The following BABAM2 variants were observed in gnomAD, a reference collection of about 807,000 sequenced individuals.
The protein encoded by BABAM2 is BRISC and BRCA1 A complex member 2.
BABAM2 carries 31 observed loss-of-function variants against 54.7 expected under a neutral mutation model. The ratio of observed to expected loss-of-function variants is 0.57; its 90% CI spans 0.43 to 0.77. The LOEUF (loss-of-function observed/expected upper bound fraction) is 0.77, where lower values mean the gene tolerates loss of function less well. Ranked by LOEUF, BABAM2 falls within the 30% of genes least tolerant of loss-of-function variation. BABAM2 has a pLI of 0.00. For missense variants in BABAM2, 364 were observed against 455.8 expected (o/e 0.80, Z 1.83); for synonymous variants, 167 against 162.9 (o/e 1.03, Z -0.19).
intron 10 of BABAM2, among the ~76,000 whole-genome samples, chr2:28,258,233 A>G (rs567446300): frequency 6.6e-6 from 1 of 152,258 alleles, no homozygotes; most frequent in South Asian, 2.1e-4. Flanking sequence ...TTCTTCTTGA[A>G]CGTAATTCAA....
intron 6 of BABAM2, among the ~76,000 whole-genome samples, chr2:28,061,221 G>A (rs1678833151): frequency 6.6e-6 from 1 of 152,010 alleles, no homozygotes; most frequent in Non-Finnish European, 1.5e-5. Flanking sequence ...GGTGCAAAAG[G>A]CAATTCAGAG....
chr2:28,046,848 C>A (rs72812593), intron 6 of BABAM2, among the ~76,000 whole-genome samples: 10,310 of 150,888 alleles, frequency 0.068, 529 homozygotes, highest in African/African-American at 0.15. Context: ...AGTGGTGTGA[C>A]CATAGCTCAC....
In BABAM2 at chr2:28,129,420, T is replaced by C. The variant is rs752134745; in HGVS notation, c.680+40T>C. Reference sequence around the variant, plus strand: ...CATGAGGTAGCCTGGTGCTACTTCTTGCTAACCAATATGTCTCATTCTTTC... The same window carrying C: ...CATGAGGTAGCCTGGTGCTACTTCTCGCTAACCAATATGTCTCATTCTTTC... On this transcript the variant is annotated intron_variant, in intron 7 of 11. Coordinates refer to ENST00000379624, the MANE Select transcript of BABAM2 (RefSeq NM_199191.3). 10 of 1,487,476 alleles carry C rather than the reference T, an allele frequency of 6.7e-6. No homozygotes were observed. The African/African-American group carries it at 1.4e-4, about 21-fold the overall frequency. The allele number at this position is 1,487,476 out of a possible 1,614,324, so 92.1% of individuals were successfully genotyped here. A position where few individuals can be genotyped will look rare whatever the true frequency, so the allele number is the denominator to read the frequency against.
intron 7 of BABAM2, among the ~76,000 whole-genome samples, chr2:28,139,455 G>A (rs969213534): frequency 1.3e-5 from 2 of 151,456 alleles, no homozygotes; most frequent in African/African-American, 4.9e-5. Flanking sequence ...TCTAGTCCCA[G>A]CTGCTTGGGA....
At chr2:28,037,291 C>T (rs184557048) in intron 5 of BABAM2, among the ~76,000 whole-genome samples, 19 of 152,090 alleles carry the variant, frequency 1.2e-4, no homozygotes, top group Non-Finnish European at 2.5e-4. Flanking sequence ...ATATATTCCC[C>T]CTTTTTATGC....
chr2:28,109,612 C>T (rs1488774952), intron 6 of BABAM2, among the ~76,000 whole-genome samples: 1 of 152,146 alleles, frequency 6.6e-6, no homozygotes, highest in East Asian at 1.9e-4. Flanking sequence ...CTCCTGATCC[C>T]TGGTTATACC....
chr2:28,031,720 G>C (rs558317554), intron 5 of BABAM2, among the ~76,000 whole-genome samples: 1 of 152,304 alleles, frequency 6.6e-6, no homozygotes, highest in South Asian at 2.1e-4. Flanking sequence ...CAGCAGAAGA[G>C]ACAATCACTG....
At chr2:28,205,388 A>G (rs1678733050) in intron 7 of BABAM2, among the ~76,000 whole-genome samples, 1 of 151,874 alleles carries the variant, frequency 6.6e-6, no homozygotes, top group Admixed American at 6.6e-5. Flanking sequence ...CTGTGGTCCT[A>G]GCTACTCGGG....
At position 28,304,619 on chromosome 2, in the gene BABAM2, C is replaced by G. The variant is rs921981073; in HGVS notation, c.1088+6128C>G. Among the ~76,000 whole-genome samples the G allele has an allele frequency of 6.6e-6, 1 of 151,982 alleles. No individual in the cohort carries two copies. The highest frequency in any genetic ancestry group is 2.4e-5 in the African/African-American group (1 of 41,354). On this transcript the variant is annotated intron_variant, in intron 11 of 11. Coordinates refer to ENST00000379624, the MANE Select transcript of BABAM2 (RefSeq NM_199191.3). The surrounding 1 kb of genome is among the most constrained non-coding windows in gnomAD (Gnocchi z 4.0). ...GGAGATGGAGTCTCACTCTGTCACC[C>G]AGGCTGGAATGCAGTGGCATTATCT...
chr2:28,039,318 A>G (rs2148596919), intron 5 of BABAM2, among the ~76,000 whole-genome samples: 1 of 152,346 alleles, frequency 6.6e-6, no homozygotes, highest in African/African-American at 2.4e-5. Flanking sequence ...TGTATCTACC[A>G]AGCAGGGTTT....
At chr2:28,165,376 G>A (rs1417503802) in intron 7 of BABAM2, among the ~76,000 whole-genome samples, 1 of 152,084 alleles carries the variant, frequency 6.6e-6, no homozygotes, top group African/African-American at 2.4e-5. Flanking sequence ...ATATCTGAAT[G>A]CAAAAACAGC....
intron 10 of BABAM2, among the ~76,000 whole-genome samples, chr2:28,271,106 A>G (rs1181185975): frequency 6.6e-6 from 1 of 152,216 alleles, no homozygotes; most frequent in Non-Finnish European, 1.5e-5. Context: ...GCTGTCCATA[A>G]GCACATAGCT....
intron 7 of BABAM2, among the ~76,000 whole-genome samples, chr2:28,184,402 A>G (rs185338150): frequency 1.1e-4 from 17 of 151,168 alleles, no homozygotes; most frequent in African/African-American, 4.1e-4. Context: ...ATATGTATAC[A>G]TGTGCTGTGT....
chr2:28,209,984 G>A (rs1009381348), intron 7 of BABAM2, among the ~76,000 whole-genome samples: 1 of 152,144 alleles, frequency 6.6e-6, no homozygotes, highest in African/African-American at 2.4e-5. Context: ...ACTCTTAACT[G>A]TTCTAATTGT....
chr2:28,245,010 A>G, intron 10 of BABAM2, 148 bp downstream of exon 10: 2 of 652,838 alleles, frequency 3.1e-6, no homozygotes, highest in Non-Finnish European at 4.7e-6. Flanking sequence ...TATTAAGGAG[A>G]AAATATCTCT....
chr2:28,231,250 C>T (rs1437694618), intron 7 of BABAM2, among the ~76,000 whole-genome samples: 3 of 152,010 alleles, frequency 2.0e-5, no homozygotes, highest in Non-Finnish European at 4.4e-5. Flanking sequence ...TGAGTTGTTT[C>T]ATGGTAATGG....
chr2:28,211,012 T>G (rs550640021), intron 7 of BABAM2, among the ~76,000 whole-genome samples: 2 of 152,374 alleles, frequency 1.3e-5, no homozygotes, highest in East Asian at 1.9e-4. Context: ...TGAAATCTGA[T>G]TTCAGAATGT....
chr2:28,250,793 G>C (rs1327829366), intron 10 of BABAM2, among the ~76,000 whole-genome samples: 3 of 151,912 alleles, frequency 2.0e-5, no homozygotes, highest in Admixed American at 2.0e-4. Flanking sequence ...TAGAGACAGG[G>C]TTTTGCCGTG....
intron 2 of BABAM2, among the ~76,000 whole-genome samples, chr2:27,903,286 C>G (rs528503502): frequency 6.6e-6 from 1 of 152,278 alleles, no homozygotes; most frequent in African/African-American, 2.4e-5. Context: ...GTCATGATAG[C>G]CAGTAGGACA....
Sources: gnomAD v4.1 joint callset for allele counts (sites outside exome capture counted in the v4.1 genomes callset) on GRCh38, gnomAD v4.1.1 for gene constraint, Gnocchi (gnomAD v3.1) non-coding constraint, MANE v1.5 for transcripts, NCBI Gene and HGNC (gene_info 2026-07-23, HGNC 2026-07-21) for gene names.